ZBTB38: variants seen among roughly 807,000 people sequenced by gnomAD.
ZBTB38 encodes zinc finger and BTB domain-containing protein 38.
ZBTB38 carries 20 observed loss-of-function variants against 76.8 expected under a neutral mutation model. The observed-to-expected ratio is 0.26, with a 90% confidence interval of 0.18 to 0.38. The LOEUF (loss-of-function observed/expected upper bound fraction) is 0.38. ZBTB38 is among the 10% of genes least tolerant of loss of function. The pLI is 1.00. For synonymous variants in ZBTB38, 504 were observed against 544.2 expected (o/e 0.93, Z 1.03); for missense variants, 1,082 against 1,482.3 (o/e 0.73, Z 4.43).
At chr3:141,371,032 CT>C (rs202204905) in intron 2 of ZBTB38, among the ~76,000 whole-genome samples, 5,849 of 94,548 alleles carry the variant, frequency 0.062, 173 homozygotes, top group Non-Finnish European at 0.083. Flanking sequence ...TTTTTCTTTT[CT>C]TTTCTTTCTT....
intron 2 of ZBTB38, among the ~76,000 whole-genome samples, chr3:141,371,836 C>T (rs908229136): frequency 2.6e-5 from 4 of 152,200 alleles, no homozygotes; most frequent in African/African-American, 9.7e-5. Context: ...AACCTTCTAA[C>T]CATTGTTGAT....
At chr3:141,414,638 A>T (rs184111887) in intron 5 of ZBTB38, among the ~76,000 whole-genome samples, 1 of 152,304 alleles carries the variant, frequency 6.6e-6, no homozygotes, top group East Asian at 1.9e-4. Flanking sequence ...AGACAGGAAG[A>T]ACATCAGAGG....
Position 141,432,432 on chromosome 3 carries a change from A to G in ZBTB38, c.1-9957A>G, listed in dbSNP as rs1483185981. ...CTTGGCCTTTTCCTCTGATTAGAAG[A>G]TTAAAAAAAATGGGGTTCAGTCTGG... On this transcript the variant is annotated intron_variant, in intron 5 of 5. Transcript: ENST00000321464. Among the ~76,000 whole-genome samples, 15 of 152,190 alleles carry G rather than the reference A, an allele frequency of 9.9e-5. No individual in the cohort carries two copies. The East Asian group carries it at 2.5e-3, about 25-fold the overall frequency.
At chr3:141,390,180 C>T (rs1248207071) in intron 4 of ZBTB38, 1 of 152,158 alleles carries the variant, frequency 6.6e-6, no homozygotes, top group African/African-American at 2.4e-5. Context: ...CCTAAACTTA[C>T]CCATTTACAA....
chr3:141,397,010 C>A (rs1950495495), intron 4 of ZBTB38, among the ~76,000 whole-genome samples: 1 of 152,178 alleles, frequency 6.6e-6, no homozygotes, highest in Admixed American at 6.5e-5. Context: ...GCTTCATAAG[C>A]CCCTAATTGA....
intron 1 of ZBTB38, among the ~76,000 whole-genome samples, chr3:141,355,363 G>A (rs1482165468): frequency 2.6e-5 from 4 of 152,114 alleles, no homozygotes; most frequent in Admixed American, 2.6e-4. Flanking sequence ...CCATGGGCAT[G>A]TACAGGAGCC....
At chr3:141,328,893 A>G (rs79450253) in intron 1 of ZBTB38, among the ~76,000 whole-genome samples, 9,398 of 151,660 alleles carry the variant, frequency 0.062, 389 homozygotes, top group Non-Finnish European at 0.094. Flanking sequence ...TCCTACTCCT[A>G]CTTGGTCTTC....
chr3:141,440,479 G>T (rs2150896627), intron 5 of ZBTB38, among the ~76,000 whole-genome samples: 1 of 152,306 alleles, frequency 6.6e-6, no homozygotes, highest in Admixed American at 6.5e-5. Context: ...CTAAATAAAT[G>T]CCATGAGCTA....
intron 5 of ZBTB38, among the ~76,000 whole-genome samples, chr3:141,427,409 C>T (rs914550631): frequency 1.3e-5 from 2 of 152,108 alleles, no homozygotes; most frequent in Non-Finnish European, 2.9e-5. Context: ...GTGGGCTGCC[C>T]AGGCTAGAAG....
chr3:141,390,832 C>A (rs1037860377), intron 4 of ZBTB38, among the ~76,000 whole-genome samples: 3 of 152,112 alleles, frequency 2.0e-5, no homozygotes, highest in Non-Finnish European at 4.4e-5. Flanking sequence ...ATAAAGAAGG[C>A]AAGTGCACAG....
At chr3:141,416,971 C>A (rs906925940) in intron 5 of ZBTB38, among the ~76,000 whole-genome samples, 1 of 152,124 alleles carries the variant, frequency 6.6e-6, no homozygotes, top group Admixed American at 6.5e-5. Flanking sequence ...TTTAAGTCAC[C>A]AAGTTTGAGG....
At chr3:141,325,433 C>G (rs1942644355) in intron 1 of ZBTB38, among the ~76,000 whole-genome samples, 1 of 152,136 alleles carries the variant, frequency 6.6e-6, no homozygotes, top group Non-Finnish European at 1.5e-5. Context: ...AAGAACCCAC[C>G]TAAAGTGGAG....
rs1302266072 is a variant in ZBTB38 at position 141,448,807 on chromosome 3, C to T, written c.*2831C>T. On this transcript the variant is annotated 3_prime_UTR_variant, in exon 6 of 6. Transcript: ENST00000321464. ...CGTATTATTCAGTTTATTTCTGTTT[C>T]CTTACTTGTTTACATTCCGTGGTAC... is the stretch of plus-strand genomic sequence containing the variant. 2.6e-5 allele frequency: 4 copies of T among 152,080 alleles called. No individual in the cohort carries two copies. The highest frequency in any genetic ancestry group is 9.7e-5 in the African/African-American group (4 of 41,398). The allele number at this position is 152,080 out of a possible 1,614,324, so 9.4% of individuals were successfully genotyped here.
chr3:141,375,178 T>C (rs1945185068), intron 2 of ZBTB38, among the ~76,000 whole-genome samples: 1 of 152,246 alleles, frequency 6.6e-6, no homozygotes, highest in African/African-American at 2.4e-5. Flanking sequence ...TAGATTTTCC[T>C]TTAACTGTAA....
intron 5 of ZBTB38, chr3:141,405,748 C>T (rs530362288): frequency 6.6e-6 from 1 of 152,290 alleles, no homozygotes; most frequent in Middle Eastern, 3.4e-3. Flanking sequence ...TGCTGTACAG[C>T]ATACTAGAAG....
Position 141,442,531 on chromosome 3 carries a change from G to A in ZBTB38, c.143G>A (p.Ser48Asn). ...GAAGATACCAAATTTAAAGCCCATA[G>A]CAATGTTCTGGCAGCTTCAAGCCTG... is the stretch of plus-strand genomic sequence containing the variant. ...IVEDTKFKAH[S>N]NVLAASSLYF... Residue 48 changes from serine (S) to asparagine (N), a missense_variant, in exon 6 of 6, where the codon AGC becomes AAC. Transcript: ENST00000321464. This position sits in a 1 kb window ranked among gnomAD's most constrained non-coding sequence, Gnocchi z 6.4. 1 of 1,614,206 alleles carries A rather than the reference G, an allele frequency of 6.2e-7. No homozygotes were observed. The highest frequency in any genetic ancestry group is 8.5e-7 in the Non-Finnish European group (1 of 1,180,042).
intron 5 of ZBTB38, among the ~76,000 whole-genome samples, chr3:141,421,852 C>T (rs2075448959): frequency 6.6e-6 from 1 of 152,236 alleles, no homozygotes; most frequent in Non-Finnish European, 1.5e-5. Flanking sequence ...TACTCATCTG[C>T]CCATTTTGAG....
At chr3:141,415,786 CTTG>C (rs1364113945) in intron 5 of ZBTB38, among the ~76,000 whole-genome samples, 1 of 152,154 alleles carries the variant, frequency 6.6e-6, no homozygotes, top group Non-Finnish European at 1.5e-5. Context: ...TCTGAAGACT[CTTG>C]TTGTCCCCTG....
chr3:141,352,663 G>A (rs1943551821), intron 1 of ZBTB38, among the ~76,000 whole-genome samples: 1 of 152,032 alleles, frequency 6.6e-6, no homozygotes, highest in African/African-American at 2.4e-5. Flanking sequence ...ATGACAAATG[G>A]GGTAAGCCAG....
Sources: gnomAD v4.1 joint callset for allele counts (sites outside exome capture counted in the v4.1 genomes callset) on GRCh38, gnomAD v4.1.1 for gene constraint, Gnocchi (gnomAD v3.1) non-coding constraint, MANE v1.5 for transcripts, NCBI Gene and HGNC (gene_info 2026-07-23, HGNC 2026-07-21) for gene names.